The following ZMYM6 variants were observed in gnomAD, a reference collection of about 807,000 sequenced individuals.
ZMYM6 encodes zinc finger MYM-type containing 6.
In ZMYM6, 90 loss-of-function variants were observed where a neutral mutation model predicts 134.0. The observed-to-expected ratio is 0.67, with a 90% confidence interval of 0.57 to 0.80. The LOEUF is 0.80. ZMYM6 is among the 30% of genes least tolerant of loss of function. ZMYM6 has a pLI of 0.00. For missense variants in ZMYM6, 1,362 were observed against 1,533.9 expected, an observed-to-expected ratio of 0.89 and a Z score of 1.87; for synonymous variants, 481 against 524.1, an observed-to-expected ratio of 0.92 and a Z score of 1.12.
chr1:35,020,285 G>A, intron 3 of ZMYM6, 98 bp downstream of exon 3: 2 of 1,113,222 alleles, frequency 1.8e-6, no homozygotes, highest in Non-Finnish European at 2.5e-6. Context: ...CAGCTCTAAA[G>A]AAAGAGAAAG....
At position 34,988,343 on chromosome 1, in the gene ZMYM6, A is replaced by G. The variant is rs1640608349; in HGVS notation, c.2739T>C (p.Asp913=). The change falls in exon 16 of 16, where the codon GAT becomes GAC. Residue 913 remains aspartate (D), a synonymous_variant. Coordinates refer to ENST00000357182, the MANE Select transcript of ZMYM6 (RefSeq NM_007167.4). ...TGATATTTGAGATTTCTGATGACTC[A>G]TCTATCTGAAGGGCAAACCACTTTG... ...RESKWFALQI[D]ESSEISNITL... 6.4e-7 allele frequency: 1 copy of G among 1,551,442 alleles called. No individual in the cohort carries two copies. Among genetic ancestry groups the G allele is most frequent in the South Asian group, 1.2e-5 (1 of 84,034 alleles).
Position 35,019,464 on chromosome 1 carries a change from T to C in ZMYM6, c.317A>G (p.Tyr106Cys), listed in dbSNP as rs145749755. 1.8e-4 allele frequency: 291 copies of C among 1,614,052 alleles called. No homozygotes were observed. Among genetic ancestry groups the C allele is most frequent in the Non-Finnish European group, 7.9e-5 (93 of 1,180,042 alleles). ...GAGCTGAGTAGATCCTGTCTTATGA[T>C]ATGCAGTTTGGCCCTTATAAAGCAT... is the stretch of plus-strand genomic sequence containing the variant. ...KKMLYKGQTA[Y>C]HKTGSTQLFC... The change falls in exon 4 of 16, where the codon TAT (tyrosine) becomes TGT (cysteine). Residue 106 changes from tyrosine to cysteine, a missense_variant. Physicochemically the swap from Tyr to Cys is radical, Grantham distance 194 (BLOSUM62 -2). Coordinates refer to ENST00000357182, the MANE Select transcript of ZMYM6 (RefSeq NM_007167.4).
At chr1:35,003,620 C>T (rs537243744) in intron 14 of ZMYM6, among the ~76,000 whole-genome samples, 19 of 152,104 alleles carry the variant, frequency 1.2e-4, no homozygotes, top group Non-Finnish European at 1.2e-4. Flanking sequence ...AACCTGAATA[C>T]AAATAATAAA....
intron 2 of ZMYM6, among the ~76,000 whole-genome samples, chr1:35,023,768 C>T (rs1166687568): frequency 6.6e-6 from 1 of 151,574 alleles, no homozygotes; most frequent in Non-Finnish European, 1.5e-5. Flanking sequence ...ACTACAGGCG[C>T]CCACCACCAT....
chr1:35,016,098 G>A lies in ZMYM6; in HGVS notation c.429-936C>T, dbSNP rs1159581747. On this transcript the variant is annotated intron_variant, in intron 4 of 15. Coordinates refer to ENST00000357182, the MANE Select transcript of ZMYM6 (RefSeq NM_007167.4). ...GTTCGAGTAGCTGGGACACCAGCAC[G>A]TGCCACCATGCCAGGCTAATTTTTG... Among the ~76,000 whole-genome samples, 9 of 151,918 alleles carry A rather than the reference G, an allele frequency of 5.9e-5. No individual in the cohort carries two copies. In the South Asian group the frequency reaches 6.2e-4, roughly 11 times the overall value.
At position 35,013,508 on chromosome 1, in the gene ZMYM6, G is replaced by T. The variant is rs572642263; in HGVS notation, c.796-927C>A. On this transcript the variant is annotated intron_variant, in intron 6 of 15. Coordinates refer to ENST00000357182, the MANE Select transcript of ZMYM6 (RefSeq NM_007167.4). ...TTGGGATCATATATAAAATAACATG[G>T]ATTCTTTTCCTGTGAAAGTAGAACC... The T allele has an allele frequency of 4.1e-6, 4 of 985,266 alleles. No homozygotes were observed. In the African/African-American group the frequency reaches 5.2e-5, roughly 13 times the overall value. 61.0% of individuals were successfully genotyped at this position (985,266 alleles called of 1,614,324 possible). A position where few individuals can be genotyped will look rare whatever the true frequency, so the allele number is the denominator to read the frequency against.
rs1398345404 is a variant in ZMYM6 at position 34,988,552 on chromosome 1, TCTTG to T, written c.2526_2529del (p.Ser842ArgfsTer10). On this transcript the variant is annotated frameshift_variant, in exon 16 of 16. Transcript: ENST00000357182. LOFTEE classifies it high-confidence loss of function. ...AATTCTTCAGCAATGGAGAATGGCTTCTTGCTTGCAGCAGTTTGGAAAGCAATTA... is the reference window on the plus strand; with the variant it reads ...AATTCTTCAGCAATGGAGAATGGCTTCTTGCAGCAGTTTGGAAAGCAATTA... 1 of 1,551,308 alleles carries T rather than the reference TCTTG, an allele frequency of 6.4e-7. No individual in the cohort carries two copies.
chr1:34,987,553 C>T lies in ZMYM6; in HGVS notation c.3529G>A (p.Gly1177Ser), dbSNP rs1305043526. 39 of 1,613,768 alleles carry T rather than the reference C, an allele frequency of 2.4e-5. No individual in the cohort carries two copies. The highest frequency in any genetic ancestry group is 3.3e-5 in the Non-Finnish European group (39 of 1,179,962). Residue 1177 changes from glycine to serine, a missense_variant, in exon 16 of 16, where the codon GGC (glycine) becomes AGC (serine). Gly to Ser is a moderately conservative substitution (Grantham distance 56). This residue lies in a region of ZMYM6 where 824 missense variants were observed against 940.9 expected (regional missense o/e 0.88). Coordinates refer to ENST00000357182, the MANE Select transcript of ZMYM6 (RefSeq NM_007167.4). ...PSFSEFSNSS[G>S]LNMTDITRII... ...CTTGTGATGTCTGTCATATTTAAGC[C>T]TGATGAATTTGAGAATTCAGAAAAT... is the stretch of plus-strand genomic sequence containing the variant.
rs1640591292 is a variant in ZMYM6, at chr1:34,987,184, A to C, written c.3898T>G (p.Leu1300Val). The C allele has an allele frequency of 3.7e-6, 6 of 1,612,664 alleles. No homozygotes were observed. Among genetic ancestry groups the C allele is most frequent in the Non-Finnish European group, 5.1e-6 (6 of 1,179,550 alleles). The change falls in exon 16 of 16, where the codon TTG becomes GTG. Residue 1300 changes from leucine (L) to valine (V), a missense_variant. By Grantham distance (32) the Leu-to-Val change is conservative. Coordinates refer to ENST00000357182, the MANE Select transcript of ZMYM6 (RefSeq NM_007167.4). ...AGTCTTAGGGCAGGGCCAGAACCCA[A>C]CAGATTTTTTTGTTTTGACTCAGTC... ...ALTESKQKNL[L>V]GSGPALRLAV...
intron 3 of ZMYM6, 117 bp from the exon 4 acceptor site, chr1:35,019,719 C>CT: frequency 7.9e-7 from 1 of 1,269,094 alleles, no homozygotes; most frequent in Middle Eastern, 2.4e-4. Context: ...GTCACCCAGG[C>CT]TGGAGTGCAG....
chr1:34,991,770 C>T (rs1640679106), intron 15 of ZMYM6, among the ~76,000 whole-genome samples: 1 of 150,618 alleles, frequency 6.6e-6, no homozygotes, highest in Non-Finnish European at 1.5e-5. Context: ...AACTCCATCT[C>T]AAAAAAAACA....
chr1:35,014,600 C>T, intron 6 of ZMYM6, 97 bp downstream of exon 6: 1 of 1,175,420 alleles, frequency 8.5e-7, no homozygotes, highest in Non-Finnish European at 1.2e-6. Context: ...TCAGGATGGA[C>T]TAATGGGAGG....
chr1:35,030,874 A>G (rs1439991944), intron 1 of ZMYM6, 161 bp from the exon 2 acceptor site: 2 of 505,902 alleles, frequency 4.0e-6, no homozygotes, highest in African/African-American at 4.0e-5. Flanking sequence ...CTGTTCCTTC[A>G]GTAGCTACAT....
intron 4 of ZMYM6, chr1:35,018,576 C>T (rs948346411): frequency 4.0e-5 from 6 of 151,750 alleles, no homozygotes; most frequent in African/African-American, 1.5e-4. Context: ...TTTTTAAGTA[C>T]TTGCTATGTG....
Position 35,010,763 on chromosome 1 carries a change from A to G in ZMYM6, c.1336T>C (p.Tyr446His), listed in dbSNP as rs534986476. The G allele has an allele frequency of 1.9e-6, 3 of 1,557,072 alleles. No homozygotes were observed. Among genetic ancestry groups the G allele is most frequent in the Admixed American group, 4.1e-5 (2 of 48,826 alleles). ...LFATKPELLF[Y>H]KGKMFLFCGK... ...CTTTCATGATCTCTCTTTACCTTGT[A>G]AAAAAGAAGTTCTGGTTTTGTGGCA... The change falls in exon 9 of 16, where the codon TAC (tyrosine) becomes CAC (histidine). Residue 446 changes from tyrosine to histidine, a missense_variant. Tyr to His is a moderately conservative substitution (Grantham distance 83). Transcript: ENST00000357182.
chr1:35,021,608 A>T (rs1273312822), intron 2 of ZMYM6, among the ~76,000 whole-genome samples: 2 of 151,782 alleles, frequency 1.3e-5, no homozygotes, highest in African/African-American at 4.8e-5. Context: ...CAACAGAGCG[A>T]GCCTCTGCCT....
chr1:35,027,535 G>C (rs1444874701), intron 2 of ZMYM6, among the ~76,000 whole-genome samples: 1 of 152,098 alleles, frequency 6.6e-6, no homozygotes, highest in African/African-American at 2.4e-5. Context: ...GATTGCTTGA[G>C]GTCAGGAGTT....
Position 35,004,005 on chromosome 1 carries a change from C to T in ZMYM6, c.1955G>A (p.Gly652Asp), listed in dbSNP as rs1446807643. 1 of 1,609,474 alleles carries T rather than the reference C, an allele frequency of 6.2e-7. No homozygotes were observed. Among genetic ancestry groups the T allele is most frequent in the Non-Finnish European group, 8.5e-7 (1 of 1,176,456 alleles). The part of the protein sequence containing the change: ...STGNTNSVLK[G>D]AVTKEAAKII... ...CTTTGCTGCCTCTTTAGTAACTGCA[C>T]CTGTTGTAAATTAAAACAAATATTA... The change falls in exon 14 of 16, where the codon GGT becomes GAT. Residue 652 changes from glycine (G) to aspartate (D), a missense_variant and splice_region_variant. By Grantham distance (94) the Gly-to-Asp change is moderately conservative (BLOSUM62 -1). Around this residue, in one of 3 missense-constraint regions of ZMYM6, gnomAD observed 824 missense variants for 940.9 expected, o/e 0.88. Coordinates refer to ENST00000357182, the MANE Select transcript of ZMYM6 (RefSeq NM_007167.4).
At chr1:35,019,128 T>C (rs1015398450) in intron 4 of ZMYM6, 7 of 616,008 alleles carry the variant, frequency 1.1e-5, no homozygotes, top group Admixed American at 3.3e-5. Context: ...TTTCTTTCCA[T>C]AGTAAAATTT....
Sources: allele counts gnomAD v4.1 joint callset (sites outside exome capture counted in the v4.1 genomes callset), GRCh38; gene constraint gnomAD v4.1.1; regional missense constraint gnomAD v4.1.1; transcripts MANE v1.5; gene names NCBI Gene and HGNC (gene_info 2026-07-23, HGNC 2026-07-21).